Variants in TMEM184C observed in about 807,000 individuals in gnomAD.
TMEM184C encodes the protein transmembrane protein 34.
A neutral mutation model predicts 54.5 loss-of-function variants in TMEM184C; 25 were observed. The ratio of observed to expected loss-of-function variants is 0.46; its 90% CI spans 0.33 to 0.64. The LOEUF (loss-of-function observed/expected upper bound fraction) is 0.64, where lower values mean the gene tolerates loss of function less well. TMEM184C is among the 30% of genes least tolerant of loss of function. The pLI, the probability that TMEM184C is intolerant of heterozygous loss-of-function variation, is 0.02. For synonymous variants in TMEM184C, 148 were observed against 181.5 expected (o/e 0.82, Z 1.49); for missense variants, 335 against 520.3 (o/e 0.64, Z 3.46).
At position 147,618,045 on chromosome 4, in the gene TMEM184C, T is replaced by C. The variant is rs1210411522; in HGVS notation, c.89T>C (p.Val30Ala). 6.2e-7 allele frequency: 1 copy of C among 1,614,144 alleles called. No individual in the cohort carries two copies. Among genetic ancestry groups the C allele is most frequent in the East Asian group, 2.2e-5 (1 of 44,886 alleles). Residue 30 changes from valine to alanine, a missense_variant, in exon 1 of 10, where the codon GTT becomes GCT. Val to Ala is a moderately conservative substitution (Grantham distance 64). Transcript: ENST00000296582. ...TACCTGGTGTCAATAGTGGTTGCGGTTCCCCTATGCGTGTGGGAATTACAG... is the reference window on the plus strand; with the variant it reads ...TACCTGGTGTCAATAGTGGTTGCGGCTCCCCTATGCGTGTGGGAATTACAG... The part of the protein sequence containing the change: ...VIYLVSIVVA[V>A]PLCVWELQKL...
At chr4:147,632,274 A>C (rs1732931834) in intron 7 of TMEM184C, among the ~76,000 whole-genome samples, 4 of 152,118 alleles carry the variant, frequency 2.6e-5, no homozygotes, top group Admixed American at 2.6e-4. Flanking sequence ...AAAAGGGAAA[A>C]AGAAAAATCC....
Position 147,617,754 on chromosome 4 carries a change from C to A in TMEM184C, c.-203C>A. The A allele has an allele frequency of 1.6e-6, 1 of 621,856 alleles. No homozygotes were observed. The highest frequency in any genetic ancestry group is 2.8e-6 in the Non-Finnish European group (1 of 353,068). The allele number at this position is 621,856 out of a possible 1,614,324, so 38.5% of individuals were successfully genotyped here. ...TTGCCTGCACTGCTCGCCAATAGCA[C>A]CCTGAGAGGCTACATTTGCAGAAGC... On this transcript the variant is annotated 5_prime_UTR_variant, in exon 1 of 10. Coordinates refer to ENST00000296582, the MANE Select transcript of TMEM184C (RefSeq NM_018241.3).
intron 5 of TMEM184C, 95 bp downstream of exon 5, chr4:147,628,530 T>A: frequency 1.0e-6 from 1 of 978,810 alleles, no homozygotes; most frequent in Non-Finnish European, 1.6e-6. Context: ...TGTGCTTATT[T>A]ATAATGCAGG....
intron 4 of TMEM184C, among the ~76,000 whole-genome samples, chr4:147,625,989 A>G (rs1476827254): frequency 2.0e-5 from 3 of 151,994 alleles, no homozygotes; most frequent in Non-Finnish European, 4.4e-5. Context: ...GAGAGGTGAA[A>G]TCATAGGGAG....
intron 6 of TMEM184C, among the ~76,000 whole-genome samples, chr4:147,631,025 CTAGG>C (rs1374299621): frequency 1.3e-5 from 2 of 152,040 alleles, no homozygotes; most frequent in African/African-American, 4.8e-5. Context: ...ATAGGATAGA[CTAGG>C]TAATAAGCTA....
intron 1 of TMEM184C, among the ~76,000 whole-genome samples, chr4:147,619,150 G>A (rs1732656619): frequency 6.6e-6 from 1 of 151,994 alleles, no homozygotes; most frequent in African/African-American, 2.4e-5. Context: ...ACAGGTGTGA[G>A]CCACCGCACC....
intron 1 of TMEM184C, among the ~76,000 whole-genome samples, chr4:147,618,295 A>G (rs1732638246): frequency 1.3e-5 from 2 of 152,230 alleles, no homozygotes; most frequent in Non-Finnish European, 2.9e-5. Flanking sequence ...AATAGAATAT[A>G]TTAATATAGC....
chr4:147,626,793 A>C (rs1479412971), intron 4 of TMEM184C, among the ~76,000 whole-genome samples: 2 of 152,210 alleles, frequency 1.3e-5, no homozygotes, highest in East Asian at 3.9e-4. Flanking sequence ...TTATTTCAGG[A>C]AATGCAATGA....
At chr4:147,623,726 C>G (rs746053222) in intron 1 of TMEM184C, 108 bp from the exon 2 acceptor site, 2 of 1,067,664 alleles carry the variant, frequency 1.9e-6, no homozygotes, top group Non-Finnish European at 2.7e-6. Flanking sequence ...GATCCTCCCA[C>G]CTCGGCCTCC....
chr4:147,619,794 C>T (rs1225194926), intron 1 of TMEM184C, among the ~76,000 whole-genome samples: 2 of 152,198 alleles, frequency 1.3e-5, no homozygotes, highest in Non-Finnish European at 2.9e-5. Flanking sequence ...CTGTACTTGT[C>T]CTAGCCAAGT....
Position 147,635,967 on chromosome 4 carries a change from A to G in TMEM184C, c.*1533A>G, listed in dbSNP as rs193086766. The G allele has an allele frequency of 1.3e-5, 2 of 152,326 alleles. No individual in the cohort carries two copies. Among genetic ancestry groups the G allele is most frequent in the Admixed American group, 1.3e-4 (2 of 15,292 alleles). 9.4% of individuals were successfully genotyped at this position (152,326 alleles called of 1,614,324 possible). On this transcript the variant is annotated 3_prime_UTR_variant, in exon 10 of 10. Coordinates refer to ENST00000296582, the MANE Select transcript of TMEM184C (RefSeq NM_018241.3). ...AAGATCTGTATGTACACTGAAAACT[A>G]TGAAACACTGATGAAAGAAAGACAC...
Position 147,634,219 on chromosome 4 carries a change from G to A in TMEM184C, c.1102G>A (p.Asp368Asn). 1 of 1,614,150 alleles carries A rather than the reference G, an allele frequency of 6.2e-7. No individual in the cohort carries two copies. Among genetic ancestry groups the A allele is most frequent in the Non-Finnish European group, 8.5e-7 (1 of 1,180,026 alleles). ...PRKKLFPEDQ[D>N]QNEHTSLLSS... ...GAAAAAATTGTTTCCCGAGGATCAA[G>A]ATCAAAATGAACATACAAGTTTATT... is the stretch of plus-strand genomic sequence containing the variant. The change falls in exon 10 of 10, where the codon GAT becomes AAT. Residue 368 changes from aspartate (D) to asparagine (N), a missense_variant. Coordinates refer to ENST00000296582, the MANE Select transcript of TMEM184C (RefSeq NM_018241.3).
intron 6 of TMEM184C, 66 bp downstream of exon 6, chr4:147,629,758 C>G: frequency 7.1e-6 from 8 of 1,120,782 alleles, no homozygotes; most frequent in Non-Finnish European, 9.9e-6. Context: ...TTTCTTTAGA[C>G]AAAGTTTCTT....
At chr4:147,623,358 C>G (rs1321380102) in intron 1 of TMEM184C, among the ~76,000 whole-genome samples, 2 of 151,674 alleles carry the variant, frequency 1.3e-5, no homozygotes, top group African/African-American at 4.8e-5. Flanking sequence ...TCGCTTGAAC[C>G]CCGGAGGCAG....
chr4:147,623,554 TAAAAA>T (rs772418583), intron 1 of TMEM184C, among the ~76,000 whole-genome samples: 3 of 139,924 alleles, frequency 2.1e-5, no homozygotes, highest in Non-Finnish European at 4.7e-5. Flanking sequence ...CTTTTCCCCT[TAAAAA>T]AAAAAAAAGA....
In TMEM184C at chr4:147,636,359, A is replaced by C. The variant is rs946964510; in HGVS notation, c.*1925A>C. The stretch of plus-strand genomic sequence containing the variant: ...CTAATTTTTGACAAAGACACCAAGA[A>C]GACACATCGGGGAAAGAACAGTCTT... On this transcript the variant is annotated 3_prime_UTR_variant, in exon 10 of 10. Transcript: ENST00000296582. 1 of 152,164 alleles carries C rather than the reference A, an allele frequency of 6.6e-6. No individual in the cohort carries two copies. Among genetic ancestry groups the C allele is most frequent in the African/African-American group, 2.4e-5 (1 of 41,452 alleles). The allele number at this position is 152,164 out of a possible 1,614,324, so 9.4% of individuals were successfully genotyped here.
intron 3 of TMEM184C, 86 bp from the exon 4 acceptor site, chr4:147,624,718 A>T: frequency 2.3e-6 from 3 of 1,278,686 alleles, no homozygotes; most frequent in Non-Finnish European, 3.3e-6. Flanking sequence ...AAGCATAAAA[A>T]TTAGCTTATT....
Position 147,633,794 on chromosome 4 carries a change from C to CG in TMEM184C, c.910dup (p.Ala304GlyfsTer12), listed in dbSNP as rs772349843. On this transcript the variant is annotated frameshift_variant, in exon 9 of 10. Coordinates refer to ENST00000296582, the MANE Select transcript of TMEM184C (RefSeq NM_018241.3). LOFTEE classifies it high-confidence loss of function. ...TTATTATCTGTATTGAGATGTTCCTCGCTGCCATTGCTCATCATTACACAT... is the reference window on the plus strand; with the variant it reads ...TTATTATCTGTATTGAGATGTTCCTCGGCTGCCATTGCTCATCATTACACAT... The CG allele has an allele frequency of 6.2e-7, 1 of 1,608,074 alleles. No individual in the cohort carries two copies. The highest frequency in any genetic ancestry group is 1.7e-5 in the Admixed American group (1 of 59,000).
At chr4:147,621,828 A>G (rs1732714969) in intron 1 of TMEM184C, among the ~76,000 whole-genome samples, 3 of 152,218 alleles carry the variant, frequency 2.0e-5, no homozygotes, top group African/African-American at 7.2e-5. Context: ...TTTAAAAAAC[A>G]AAAACAACTT....
Sources: gnomAD v4.1 joint callset for allele counts (sites outside exome capture counted in the v4.1 genomes callset) on GRCh38, gnomAD v4.1.1 for gene constraint, MANE v1.5 for transcripts, NCBI Gene and HGNC (gene_info 2026-07-23, HGNC 2026-07-21) for gene names.